Variants in MLLT3 observed in about 807,000 individuals in gnomAD.
The protein encoded by MLLT3 is MLLT3 super elongation complex subunit, also known as protein AF-9.
A neutral mutation model predicts 53.2 loss-of-function variants in MLLT3; 4 were observed. That is an observed-to-expected ratio of 0.08 (90% CI 0.04 to 0.17). The LOEUF is 0.17. Ranked by LOEUF, MLLT3 falls within the 10% of genes least tolerant of loss-of-function variation. MLLT3 has a pLI of 1.00. For missense variants in MLLT3, 569 were observed against 684.0 expected (o/e 0.83, Z 1.87); for synonymous variants, 283 against 230.6 (o/e 1.23, Z -2.06).
At chr9:20,597,312 A>T (rs777270685) in intron 2 of MLLT3, among the ~76,000 whole-genome samples, 18 of 151,934 alleles carry the variant, frequency 1.2e-4, no homozygotes, top group Admixed American at 5.2e-4. Context: ...GTGTCTTACT[A>T]TAAAGTTGTT....
chr9:20,423,661 A>AG (rs1483209673), intron 4 of MLLT3, among the ~76,000 whole-genome samples: 1 of 151,714 alleles, frequency 6.6e-6, no homozygotes, highest in African/African-American at 2.4e-5. Flanking sequence ...TTAAAAAAAA[A>AG]AAATTAGCCA....
At chr9:20,377,823 A>G (rs1821806669) in intron 5 of MLLT3, among the ~76,000 whole-genome samples, 1 of 152,100 alleles carries the variant, frequency 6.6e-6, no homozygotes, top group South Asian at 2.1e-4. Context: ...ACCAAAATCC[A>G]CTGGGGAAAA....
intron 5 of MLLT3, among the ~76,000 whole-genome samples, chr9:20,409,028 T>A (rs1822657763): frequency 6.6e-6 from 1 of 152,216 alleles, no homozygotes; most frequent in Non-Finnish European, 1.5e-5. Flanking sequence ...AGAAAACCCC[T>A]TGGTAAGCTC....
intron 7 of MLLT3, 91 bp downstream of exon 7, chr9:20,363,385 T>G: frequency 1.3e-6 from 2 of 1,495,496 alleles, no homozygotes; most frequent in Non-Finnish European, 1.8e-6. Context: ...CCGTTTTTGG[T>G]GTTTCACACC....
chr9:20,494,137 T>C (rs910296590), intron 2 of MLLT3, among the ~76,000 whole-genome samples: 15 of 152,164 alleles, frequency 9.9e-5, no homozygotes, highest in African/African-American at 3.1e-4. Flanking sequence ...TTGTCAAAAA[T>C]ATATTTGACT....
chr9:20,414,070 A>G lies in MLLT3; in HGVS notation c.776T>C (p.Met259Thr). The G allele has an allele frequency of 1.2e-6, 2 of 1,613,968 alleles. No homozygotes were observed. Among genetic ancestry groups the G allele is most frequent in the East Asian group, 2.2e-5 (1 of 44,884 alleles). Reference sequence around the variant, plus strand: ...ACTATCTGGTTTTGGCTCTTTTGACATGGGTTTAGGTTCCTTGAAGGCCAT... The same window carrying G: ...ACTATCTGGTTTTGGCTCTTTTGACGTGGGTTTAGGTTCCTTGAAGGCCAT... ...PKMAFKEPKP[M>T]SKEPKPDSNL... The change falls in exon 5 of 11, where the codon ATG becomes ACG. Residue 259 changes from methionine (M) to threonine (T), a missense_variant. Coordinates refer to ENST00000380338, the MANE Select transcript of MLLT3 (RefSeq NM_004529.4).
rs1022810963 is a variant in MLLT3, at chr9:20,433,555, T to C, written c.420+14568A>G. 2.6e-5 allele frequency among the ~76,000 whole-genome samples: 4 copies of C among 152,078 alleles called. No homozygotes were observed. In the South Asian group the frequency reaches 8.3e-4, roughly 32 times the overall value. ...TAATGGGTGTTAACATCAACAGTAA[T>C]GTCTCAGTGGAAATCAGGATCATGT... On this transcript the variant is annotated intron_variant, in intron 4 of 10. Coordinates refer to ENST00000380338, the MANE Select transcript of MLLT3 (RefSeq NM_004529.4).
At chr9:20,466,509 A>G (rs972419892) in intron 2 of MLLT3, among the ~76,000 whole-genome samples, 4 of 152,196 alleles carry the variant, frequency 2.6e-5, no homozygotes, top group Non-Finnish European at 4.4e-5. Context: ...TATCAAACAT[A>G]GTATCAGTTT....
intron 2 of MLLT3, among the ~76,000 whole-genome samples, chr9:20,497,232 C>T (rs998698018): frequency 6.6e-6 from 1 of 152,176 alleles, no homozygotes; most frequent in South Asian, 2.1e-4. Flanking sequence ...TCTGACCTCC[C>T]AAACCTTCAT....
At chr9:20,574,374 C>T (rs1819604525) in intron 2 of MLLT3, among the ~76,000 whole-genome samples, 1 of 152,168 alleles carries the variant, frequency 6.6e-6, no homozygotes, top group African/African-American at 2.4e-5. Context: ...TGAAAAGTCA[C>T]TATGGTGTAA....
At chr9:20,505,275 A>C (rs1190501772) in intron 2 of MLLT3, among the ~76,000 whole-genome samples, 1 of 152,238 alleles carries the variant, frequency 6.6e-6, no homozygotes, top group African/African-American at 2.4e-5. Context: ...TAATTTTAAA[A>C]CATCATCCAT....
intron 8 of MLLT3, among the ~76,000 whole-genome samples, chr9:20,357,082 TA>T (rs1170686108): frequency 6.6e-6 from 1 of 152,212 alleles, no homozygotes; most frequent in Non-Finnish European, 1.5e-5. Context: ...AACTCCAGAA[TA>T]AAAAAGTACA....
chr9:20,401,269 T>C (rs769408564), intron 5 of MLLT3, among the ~76,000 whole-genome samples: 70 of 152,214 alleles, frequency 4.6e-4, no homozygotes, highest in African/African-American at 1.5e-3. Flanking sequence ...ACAGTAAGTA[T>C]TTTTTGAAAA....
intron 2 of MLLT3, among the ~76,000 whole-genome samples, chr9:20,585,164 TC>T (rs1819918934): frequency 6.6e-6 from 1 of 152,160 alleles, no homozygotes; most frequent in African/African-American, 2.4e-5. Context: ...GCCAACTGAT[TC>T]TGTTTCCGGT....
intron 2 of MLLT3, among the ~76,000 whole-genome samples, chr9:20,513,376 G>A (rs1014907011): frequency 2.6e-5 from 4 of 152,184 alleles, no homozygotes; most frequent in African/African-American, 9.7e-5. Context: ...ACACAAACAT[G>A]TGAAATACCA....
At chr9:20,580,045 A>T (rs763580187) in intron 2 of MLLT3, among the ~76,000 whole-genome samples, 7 of 152,260 alleles carry the variant, frequency 4.6e-5, no homozygotes, top group Middle Eastern at 3.4e-3. Flanking sequence ...AAAGAAAGCC[A>T]TAGCTTCTTA....
intron 5 of MLLT3, among the ~76,000 whole-genome samples, chr9:20,395,163 T>C (rs1324888364): frequency 1.3e-5 from 2 of 152,136 alleles, no homozygotes; most frequent in Non-Finnish European, 2.9e-5. Flanking sequence ...GGGAAGGTGG[T>C]TAAGCAGCGC....
At chr9:20,427,342 A>G (rs1823162794) in intron 4 of MLLT3, among the ~76,000 whole-genome samples, 1 of 151,982 alleles carries the variant, frequency 6.6e-6, no homozygotes, top group South Asian at 2.1e-4. Context: ...TCAATATCTC[A>G]ATGGACTAGT....
chr9:20,451,276 A>T (rs1823832179), intron 3 of MLLT3, among the ~76,000 whole-genome samples: 1 of 152,180 alleles, frequency 6.6e-6, no homozygotes, highest in Non-Finnish European at 1.5e-5. Flanking sequence ...AAATGTAGTC[A>T]AAAGACTAAA....
Sources: allele counts gnomAD v4.1 joint callset (sites outside exome capture counted in the v4.1 genomes callset), GRCh38; gene constraint gnomAD v4.1.1; transcripts MANE v1.5; gene names NCBI Gene and HGNC (gene_info 2026-07-23, HGNC 2026-07-21).